Variants in PARP8 observed in about 807,000 individuals in gnomAD.
PARP8 encodes protein mono-ADP-ribosyltransferase PARP8.
PARP8 carries 51 observed loss-of-function variants against 124.1 expected under a neutral mutation model. The ratio of observed to expected loss-of-function variants is 0.41; its 90% CI spans 0.33 to 0.52. The LOEUF (loss-of-function observed/expected upper bound fraction) is 0.52. PARP8 is among the 20% of genes least tolerant of loss of function. The pLI is 0.21. For synonymous variants in PARP8, 391 were observed against 361.5 expected (o/e 1.08, Z -0.93); for missense variants, 860 against 1,018.9 (o/e 0.84, Z 2.12).
rs992762846 is a variant in PARP8 at position 50,675,398 on chromosome 5, G to A, written c.146+7273G>A. ...TGGCTCGCTGCAACCTCCGCCCCCC[G>A]GGTTCAAACGATTCTCCCGTCTCAG... is the stretch of plus-strand genomic sequence containing the variant. On this transcript the variant is annotated intron_variant, in intron 2 of 25. Transcript: ENST00000281631. 4.5e-4 allele frequency among the ~76,000 whole-genome samples: 69 copies of A among 152,082 alleles called. 1 individual carries two copies. Among genetic ancestry groups the A allele is most frequent in the Admixed American group, 1.6e-3 (24 of 15,256 alleles).
intron 14 of PARP8, among the ~76,000 whole-genome samples, chr5:50,813,131 A>C (rs559899329): frequency 4.7e-4 from 72 of 152,326 alleles, no homozygotes; most frequent in African/African-American, 1.7e-3. Context: ...TCTGTGAAGA[A>C]AGTCATTGGT....
In PARP8 at chr5:50,795,141, A is replaced by T; in HGVS notation, c.1152A>T (p.Leu384=). ...GCCTAACTCTAAAGTCGCATAGACT[A>T]TTGACTCGATCTTGTTCTGGAGATC... ...EECLTLKSHR[L]LTRSCSGDPR... is the part of the protein sequence containing the mutation. Residue 384 remains leucine (L), a synonymous_variant, in exon 12 of 26, where the codon CTA becomes CTT. Coordinates refer to ENST00000281631, the MANE Select transcript of PARP8 (RefSeq NM_024615.4). 6.2e-7 allele frequency: 1 copy of T among 1,614,208 alleles called. No individual in the cohort carries two copies. Among genetic ancestry groups the T allele is most frequent in the Non-Finnish European group, 8.5e-7 (1 of 1,180,032 alleles).
At position 50,827,938 on chromosome 5, in the gene PARP8, T is replaced by C; in HGVS notation, c.1978-6T>C. 1 of 1,581,894 alleles carries C rather than the reference T, an allele frequency of 6.3e-7. No homozygotes were observed. The highest frequency in any genetic ancestry group is 8.7e-7 in the Non-Finnish European group (1 of 1,151,680). ...TGTTTTTGTTTGTCTTTATCTTAAATGGCAGCAATTGAAGTTTATGCATAC... is the reference window on the plus strand; with the variant it reads ...TGTTTTTGTTTGTCTTTATCTTAAACGGCAGCAATTGAAGTTTATGCATAC... On this transcript the variant is annotated splice_region_variant and splice_polypyrimidine_tract_variant and intron_variant, in intron 19 of 25. Coordinates refer to ENST00000281631, the MANE Select transcript of PARP8 (RefSeq NM_024615.4).
In PARP8 at chr5:50,834,078, T is replaced by A. The variant is rs755184520; in HGVS notation, c.2377+30T>A. On this transcript the variant is annotated intron_variant, in intron 24 of 25. Coordinates refer to ENST00000281631, the MANE Select transcript of PARP8 (RefSeq NM_024615.4). The stretch of plus-strand genomic sequence containing the variant: ...GTTGAAAGTTTTACAAACCTCATAG[T>A]GTTAGTTCCTAGCTCATCTATAATT... 9.1e-5 allele frequency: 137 copies of A among 1,508,826 alleles called. No homozygotes were observed. In the Middle Eastern group the frequency reaches 1.4e-3, roughly 15 times the overall value. The allele number at this position is 1,508,826 out of a possible 1,614,324, so 93.5% of individuals were successfully genotyped here. A position where few individuals can be genotyped will look rare whatever the true frequency, so the allele number is the denominator to read the frequency against.
chr5:50,701,036 A>G (rs1753540767), intron 2 of PARP8, among the ~76,000 whole-genome samples: 1 of 152,150 alleles, frequency 6.6e-6, no homozygotes, highest in Non-Finnish European at 1.5e-5. Context: ...CTTCTATTAG[A>G]ATGTATATTC....
chr5:50,798,215 G>A (rs1742774803), intron 14 of PARP8, among the ~76,000 whole-genome samples: 1 of 152,094 alleles, frequency 6.6e-6, no homozygotes, highest in Non-Finnish European at 1.5e-5. Flanking sequence ...ATCAGTCGAT[G>A]GAATTGCTAG....
chr5:50,718,530 G>GT (rs1054732929), intron 2 of PARP8, among the ~76,000 whole-genome samples: 8 of 151,496 alleles, frequency 5.3e-5, no homozygotes, highest in Non-Finnish European at 1.2e-4. Flanking sequence ...ATTTGGTTCA[G>GT]TTTTTTTTCA....
At chr5:50,670,492 A>G (rs1303955132) in intron 2 of PARP8, among the ~76,000 whole-genome samples, 3 of 152,252 alleles carry the variant, frequency 2.0e-5, no homozygotes, top group Non-Finnish European at 2.9e-5. Flanking sequence ...TTTGTTCTAC[A>G]TTTATACTTT....
At chr5:50,761,953 G>A (rs1348562901) in intron 6 of PARP8, 55 bp downstream of exon 6, 2 of 1,149,776 alleles carry the variant, frequency 1.7e-6, no homozygotes, top group East Asian at 4.9e-5. Flanking sequence ...TAGCCATGTT[G>A]TCCTAGTGGT....
At chr5:50,773,857 T>C (rs1376358138) in intron 7 of PARP8, among the ~76,000 whole-genome samples, 1 of 151,438 alleles carries the variant, frequency 6.6e-6, no homozygotes. Flanking sequence ...TTTTAGTATT[T>C]ATTGATCATT....
At chr5:50,759,201 G>C (rs191514600) in intron 3 of PARP8, among the ~76,000 whole-genome samples, 82 of 152,194 alleles carry the variant, frequency 5.4e-4, no homozygotes, top group African/African-American at 1.9e-3. Context: ...CTACAGGTGT[G>C]AGCCACTGTG....
intron 2 of PARP8, among the ~76,000 whole-genome samples, chr5:50,739,292 T>G (rs1268957469): frequency 3.3e-5 from 5 of 151,862 alleles, no homozygotes; most frequent in Non-Finnish European, 5.9e-5. Flanking sequence ...GGCTTCCATA[T>G]GAAGAAGGAG....
At chr5:50,782,812 A>G (rs1444608187) in intron 9 of PARP8, among the ~76,000 whole-genome samples, 1 of 152,202 alleles carries the variant, frequency 6.6e-6, no homozygotes, top group Non-Finnish European at 1.5e-5. Context: ...AGGTAAAAAA[A>G]ATAAACATAA....
chr5:50,832,743 G>A, intron 22 of PARP8, 38 bp from the exon 23 acceptor site: 14 of 1,602,186 alleles, frequency 8.7e-6, no homozygotes, highest in Non-Finnish European at 1.2e-5. Flanking sequence ...GCATCAGACA[G>A]CTTTGTCCCT....
intron 17 of PARP8, among the ~76,000 whole-genome samples, chr5:50,823,648 C>T (rs1174461134): frequency 1.3e-5 from 2 of 152,122 alleles, no homozygotes; most frequent in African/African-American, 4.8e-5. Context: ...ATGAAAAAGA[C>T]TTTGGTATAA....
intron 2 of PARP8, among the ~76,000 whole-genome samples, chr5:50,683,746 A>G (rs1442952619): frequency 2.0e-5 from 3 of 152,144 alleles, no homozygotes; most frequent in Admixed American, 6.5e-5. Context: ...AAGAATAAAC[A>G]CAAGTTCTAA....
At chr5:50,696,528 C>A (rs1753043186) in intron 2 of PARP8, among the ~76,000 whole-genome samples, 1 of 152,118 alleles carries the variant, frequency 6.6e-6, no homozygotes, top group Non-Finnish European at 1.5e-5. Context: ...TGTTACCCAC[C>A]AGTAACTTCT....
At chr5:50,691,025 C>T (rs1320719561) in intron 2 of PARP8, among the ~76,000 whole-genome samples, 1 of 152,132 alleles carries the variant, frequency 6.6e-6, no homozygotes, top group Non-Finnish European at 1.5e-5. Context: ...ACCTACAACC[C>T]TAACATGTCC....
chr5:50,797,499 C>T (rs551602982), intron 14 of PARP8, among the ~76,000 whole-genome samples: 9 of 152,250 alleles, frequency 5.9e-5, no homozygotes, highest in South Asian at 2.1e-4. Flanking sequence ...CCTATATCAA[C>T]GTTAAGCATC....
Sources: gnomAD v4.1 joint callset for allele counts (sites outside exome capture counted in the v4.1 genomes callset) on GRCh38, gnomAD v4.1.1 for gene constraint, MANE v1.5 for transcripts, NCBI Gene and HGNC (gene_info 2026-07-23, HGNC 2026-07-21) for gene names.